Variants in OCA2 observed in about 807,000 individuals in gnomAD.
The protein encoded by OCA2 is P protein.
A neutral mutation model predicts 100.2 loss-of-function variants in OCA2; 77 were observed. The ratio of observed to expected loss-of-function variants is 0.77; its 90% CI spans 0.64 to 0.93. The LOEUF is 0.93. Ranked by LOEUF, OCA2 falls within the 40% of genes least tolerant of loss-of-function variation. The probability of loss-of-function intolerance (pLI) is 0.00; values close to 1 mark genes in which losing one functional copy is unlikely to be tolerated. For missense variants in OCA2, 1,062 were observed against 1,089.1 expected (o/e 0.98, Z 0.35); for synonymous variants, 432 against 439.2 (o/e 0.98, Z 0.21).
chr15:27,754,865 C>T (rs1019601197), downstream of OCA2: 2 of 171,318 alleles, frequency 1.2e-5, no homozygotes, highest in Admixed American at 1.1e-4. Flanking sequence ...ATGTAAACTA[C>T]TCCAAAGCCT....
intron 21 of OCA2, among the ~76,000 whole-genome samples, chr15:27,869,674 G>C (rs2036465127): frequency 6.6e-6 from 1 of 152,184 alleles, no homozygotes; most frequent in Non-Finnish European, 1.5e-5. Context: ...GTGAGCGCAG[G>C]GTCAGAAGGA....
downstream of OCA2, among the ~76,000 whole-genome samples, chr15:27,754,551 TG>T (rs2030195914): frequency 6.6e-6 from 1 of 152,208 alleles, no homozygotes; most frequent in Admixed American, 6.5e-5. Flanking sequence ...CCTTGGTCTT[TG>T]TTCTCATTAC....
At chr15:28,063,347 A>C (rs758064371) in intron 2 of OCA2, among the ~76,000 whole-genome samples, 5 of 152,074 alleles carry the variant, frequency 3.3e-5, no homozygotes, top group African/African-American at 4.8e-5. Context: ...TGGATCATTT[A>C]CTTTACCCAG....
intron 23 of OCA2, among the ~76,000 whole-genome samples, chr15:27,840,892 C>T (rs368268988): frequency 2.2e-4 from 33 of 152,274 alleles, no homozygotes; most frequent in African/African-American, 7.7e-4. Context: ...TGTTGTCATG[C>T]TTTTGACACC....
At chr15:27,875,234 C>A (rs1245853280) in intron 19 of OCA2, among the ~76,000 whole-genome samples, 1 of 152,130 alleles carries the variant, frequency 6.6e-6, no homozygotes. Flanking sequence ...GATTCACCAC[C>A]ATTTGTTGAA....
intron 18 of OCA2, among the ~76,000 whole-genome samples, chr15:27,940,631 C>T (rs1267364307): frequency 6.6e-6 from 1 of 152,238 alleles, no homozygotes; most frequent in African/African-American, 2.4e-5. Flanking sequence ...CAAAGCCTAT[C>T]CTATCCTGAT....
chr15:27,746,211 ACT>A, the OCA2 span, among the ~76,000 whole-genome samples: 1 of 152,196 alleles, frequency 6.6e-6, no homozygotes, highest in Non-Finnish European at 1.5e-5. Context: ...TAATCCCAGC[ACT>A]TTGGGAGGCC....
chr15:27,954,709 A>AC (rs1359915513), intron 17 of OCA2, among the ~76,000 whole-genome samples: 2 of 151,406 alleles, frequency 1.3e-5, no homozygotes, highest in African/African-American at 4.8e-5. Flanking sequence ...AAAAAAAACA[A>AC]AACAAAAGAA....
chr15:27,818,358 C>G (rs2034384252), intron 23 of OCA2, among the ~76,000 whole-genome samples: 2 of 152,170 alleles, frequency 1.3e-5, no homozygotes, highest in African/African-American at 4.8e-5. Flanking sequence ...CACCGCACTC[C>G]AGCCTGGGTA....
At chr15:27,741,547 G>A in the OCA2 span, among the ~76,000 whole-genome samples, 5 of 152,292 alleles carry the variant, frequency 3.3e-5, no homozygotes, top group South Asian at 6.2e-4. Context: ...TCCTGAGTAC[G>A]GTTGGGCAAG....
At chr15:27,893,707 C>T (rs1057255851) in intron 19 of OCA2, among the ~76,000 whole-genome samples, 1 of 152,142 alleles carries the variant, frequency 6.6e-6, no homozygotes, top group African/African-American at 2.4e-5. Flanking sequence ...AAACTCCACC[C>T]TGGTAAATTT....
chr15:27,807,289 C>T (rs1206361621), intron 23 of OCA2, among the ~76,000 whole-genome samples: 1 of 152,134 alleles, frequency 6.6e-6, no homozygotes, highest in African/African-American at 2.4e-5. Context: ...GCCTCACCCC[C>T]ACTCTCCTGA....
At chr15:28,079,486 C>G (rs1241312889) in intron 2 of OCA2, among the ~76,000 whole-genome samples, 1 of 152,102 alleles carries the variant, frequency 6.6e-6, no homozygotes, top group Admixed American at 6.5e-5. Flanking sequence ...GCCATGTGGG[C>G]AACAGCCTGT....
chr15:28,099,268 C>G lies in OCA2; in HGVS notation c.-66G>C, dbSNP rs1313816006. 2 of 152,290 alleles carry G rather than the reference C, an allele frequency of 1.3e-5. No individual in the cohort carries two copies. The highest frequency in any genetic ancestry group is 2.9e-5 in the Non-Finnish European group (2 of 68,076). 9.4% of individuals were successfully genotyped at this position (152,290 alleles called of 1,614,324 possible). A position where few individuals can be genotyped will look rare whatever the true frequency, so the allele number is the denominator to read the frequency against. ...TCTCCAGGAGTGAGTTTAAGGTCCGCACCTCCGCTCTGGATGGTGAGCGGA... is the reference window on the plus strand; with the variant it reads ...TCTCCAGGAGTGAGTTTAAGGTCCGGACCTCCGCTCTGGATGGTGAGCGGA... On this transcript the variant is annotated 5_prime_UTR_variant, in exon 1 of 24. Coordinates refer to ENST00000354638, the MANE Select transcript of OCA2 (RefSeq NM_000275.3).
chr15:28,018,869 G>T (rs142856848), intron 6 of OCA2, among the ~76,000 whole-genome samples: 16 of 152,208 alleles, frequency 1.1e-4, no homozygotes, highest in Admixed American at 6.5e-5. Flanking sequence ...GACAGGCCTC[G>T]CCAGGGCCCC....
At chr15:27,722,959 A>C in the OCA2 span, among the ~76,000 whole-genome samples, 6 of 151,682 alleles carry the variant, frequency 4.0e-5, no homozygotes, top group Non-Finnish European at 7.4e-5. Context: ...CTCCTGCCTC[A>C]GCCTCCCGAG....
At chr15:27,814,927 G>C (rs973517242) in intron 23 of OCA2, among the ~76,000 whole-genome samples, 1 of 150,292 alleles carries the variant, frequency 6.7e-6, no homozygotes, top group South Asian at 2.1e-4. Flanking sequence ...TAGATAGATA[G>C]ATAGATAGAT....
intron 6 of OCA2, among the ~76,000 whole-genome samples, chr15:28,020,000 C>G (rs955534199): frequency 6.6e-6 from 1 of 152,222 alleles, no homozygotes; most frequent in Admixed American, 6.5e-5. Flanking sequence ...TGGTGACCCA[C>G]TGCGCTGGAG....
intron 19 of OCA2, among the ~76,000 whole-genome samples, chr15:27,882,729 C>T (rs1386258517): frequency 6.6e-6 from 1 of 152,116 alleles, no homozygotes; most frequent in African/African-American, 2.4e-5. Context: ...TGGCTTCTGA[C>T]CACAATTTCT....
Sources: gnomAD v4.1 joint callset for allele counts (sites outside exome capture counted in the v4.1 genomes callset) on GRCh38, gnomAD v4.1.1 for gene constraint, MANE v1.5 for transcripts, NCBI Gene and HGNC (gene_info 2026-07-23, HGNC 2026-07-21) for gene names.